The following RBMS3 variants were observed in gnomAD, a reference collection of about 807,000 sequenced individuals.
RBMS3 encodes RNA binding motif single stranded interacting protein 3.
RBMS3 carries 27 observed loss-of-function variants against 66.8 expected under a neutral mutation model. That is an observed-to-expected ratio of 0.40 (90% CI 0.30 to 0.56). The LOEUF is 0.56. Among genes scored for constraint, RBMS3 ranks in the 20% least tolerant of loss-of-function variants. RBMS3 has a pLI of 0.40. For synonymous variants in RBMS3, 188 were observed against 183.0 expected (o/e 1.03, Z -0.22); for missense variants, 513 against 549.5 (o/e 0.93, Z 0.66).
At position 30,009,710 on chromosome 3, in the gene RBMS3, G is replaced by A. The variant is rs551172877; in HGVS notation, c.*5848G>A. ...ATTGTTTTCATTACATTTTGACTGC[G>A]TTACTTATTAAGGCCGAATGACTTT... is the stretch of plus-strand genomic sequence containing the variant. On this transcript the variant is annotated 3_prime_UTR_variant, in exon 15 of 15. Coordinates refer to ENST00000383767, the MANE Select transcript of RBMS3 (RefSeq NM_001003793.3). 9.9e-5 allele frequency: 15 copies of A among 152,108 alleles called. No homozygotes were observed. The highest frequency in any genetic ancestry group is 2.7e-4 in the African/African-American group (11 of 41,508). 9.4% of individuals were successfully genotyped at this position (152,108 alleles called of 1,614,324 possible). A position where few individuals can be genotyped will look rare whatever the true frequency, so the allele number is the denominator to read the frequency against.
intron 4 of RBMS3, among the ~76,000 whole-genome samples, chr3:29,672,415 G>T (rs181311830): frequency 1.6e-4 from 24 of 152,254 alleles, no homozygotes; most frequent in Admixed American, 2.6e-4. Context: ...CATAATGACT[G>T]GATCAAATTC....
At chr3:29,306,147 G>C (rs2033997126) in intron 1 of RBMS3, among the ~76,000 whole-genome samples, 1 of 151,880 alleles carries the variant, frequency 6.6e-6, no homozygotes, top group Admixed American at 6.6e-5. Flanking sequence ...ACGGCATCTA[G>C]TGTTCCTTGT....
At chr3:29,612,990 A>G (rs79931162) in intron 4 of RBMS3, among the ~76,000 whole-genome samples, 2,613 of 152,206 alleles carry the variant, frequency 0.017, 82 homozygotes, top group African/African-American at 0.06. Context: ...AGCTTATTTC[A>G]TGTTCTTCTC....
chr3:29,560,290 T>C (rs9835103), intron 3 of RBMS3, among the ~76,000 whole-genome samples: 7,998 of 152,298 alleles, frequency 0.053, 335 homozygotes, highest in African/African-American at 0.12. Flanking sequence ...AAAAATTTCT[T>C]CCCCACTTTA....
At chr3:29,801,418 C>A (rs1380494734) in intron 6 of RBMS3, among the ~76,000 whole-genome samples, 1 of 151,938 alleles carries the variant, frequency 6.6e-6, no homozygotes, top group Non-Finnish European at 1.5e-5. Context: ...CAGGCACCCA[C>A]CACCACACCT....
At chr3:29,413,145 C>T (rs541639305) in intron 1 of RBMS3, among the ~76,000 whole-genome samples, 198 of 152,220 alleles carry the variant, frequency 1.3e-3, no homozygotes, top group Middle Eastern at 6.8e-3. Flanking sequence ...CCAAGGCAGG[C>T]AGATCACTAG....
intron 1 of RBMS3, among the ~76,000 whole-genome samples, chr3:29,329,449 T>C (rs2035524512): frequency 1.3e-5 from 2 of 152,078 alleles, no homozygotes; most frequent in Non-Finnish European, 1.5e-5. Flanking sequence ...GTGTATCCAA[T>C]TGATATACAA....
At chr3:29,744,085 C>A (rs2054764486) in intron 5 of RBMS3, among the ~76,000 whole-genome samples, 1 of 151,920 alleles carries the variant, frequency 6.6e-6, no homozygotes, top group African/African-American at 2.4e-5. Flanking sequence ...CCTTTGAGAA[C>A]TATTGCTTTA....
chr3:29,306,065 A>G (rs2033987972), intron 1 of RBMS3, among the ~76,000 whole-genome samples: 1 of 151,962 alleles, frequency 6.6e-6, no homozygotes, highest in Non-Finnish European at 1.5e-5. Context: ...TGCTTGACAT[A>G]TCTTTTCTTT....
intron 2 of RBMS3, among the ~76,000 whole-genome samples, chr3:29,441,548 G>T (rs2041620481): frequency 6.6e-6 from 1 of 152,050 alleles, no homozygotes; most frequent in Non-Finnish European, 1.5e-5. Context: ...TAGCCACCAG[G>T]ATTCAAAATC....
intron 1 of RBMS3, among the ~76,000 whole-genome samples, chr3:29,426,610 A>C (rs2125710583): frequency 6.6e-6 from 1 of 152,378 alleles, no homozygotes; most frequent in South Asian, 2.1e-4. Flanking sequence ...GAAACCAATT[A>C]GCCATCCCAT....
chr3:29,754,304 G>A (rs1474607340), intron 5 of RBMS3, among the ~76,000 whole-genome samples: 2 of 152,138 alleles, frequency 1.3e-5, no homozygotes, highest in East Asian at 3.9e-4. Context: ...AGCTCAAAAA[G>A]AAAAAGTGAA....
chr3:29,707,462 C>G (rs547786447), intron 4 of RBMS3, among the ~76,000 whole-genome samples: 3 of 152,144 alleles, frequency 2.0e-5, no homozygotes, highest in African/African-American at 7.2e-5. Context: ...TTTGAAAATA[C>G]GGTTCCATGT....
At chr3:29,988,311 A>G (rs1245232400) in intron 13 of RBMS3, 88 bp downstream of exon 13, 3 of 1,111,944 alleles carry the variant, frequency 2.7e-6, no homozygotes, top group South Asian at 1.4e-5. Context: ...AGGAATCCTC[A>G]CTTGCAATTT....
intron 7 of RBMS3, chr3:29,880,761 T>G: frequency 6.5e-7 from 1 of 1,534,552 alleles, no homozygotes; most frequent in Non-Finnish European, 8.7e-7. Flanking sequence ...TATCTCTTGT[T>G]GTCTCCTCTT....
chr3:29,530,623 A>G (rs2045314916), intron 3 of RBMS3, among the ~76,000 whole-genome samples: 1 of 151,082 alleles, frequency 6.6e-6, no homozygotes, highest in African/African-American at 2.4e-5. Flanking sequence ...GCACTTTGGG[A>G]GGCTGAGGCG....
At chr3:29,869,770 T>C (rs1488988436) in intron 7 of RBMS3, among the ~76,000 whole-genome samples, 2 of 152,130 alleles carry the variant, frequency 1.3e-5, no homozygotes, top group Non-Finnish European at 2.9e-5. Flanking sequence ...CTTGAAAAAA[T>C]GCTATTTTGT....
chr3:29,655,199 G>T (rs1257374384), intron 4 of RBMS3, among the ~76,000 whole-genome samples: 7 of 152,308 alleles, frequency 4.6e-5, no homozygotes, highest in African/African-American at 1.7e-4. Context: ...CTGGGTGGAA[G>T]AACAATGGCT....
At chr3:29,754,468 A>T (rs569597578) in intron 5 of RBMS3, among the ~76,000 whole-genome samples, 1 of 152,302 alleles carries the variant, frequency 6.6e-6, no homozygotes, top group South Asian at 2.1e-4. Flanking sequence ...TGGAGCATTC[A>T]AATCTGAGGA....
Sources: allele counts gnomAD v4.1 joint callset (sites outside exome capture counted in the v4.1 genomes callset), GRCh38; gene constraint gnomAD v4.1.1; transcripts MANE v1.5; gene names NCBI Gene and HGNC (gene_info 2026-07-23, HGNC 2026-07-21).